The following SLC10A7 variants were observed in gnomAD, a reference collection of about 807,000 sequenced individuals.
SLC10A7 encodes the protein solute carrier family 10 member 7.
Under a neutral mutation model 43.2 loss-of-function variants are expected in SLC10A7, and 29 were observed. That is an observed-to-expected ratio of 0.67 (90% CI 0.50 to 0.92). The LOEUF is 0.92. SLC10A7 is among the 40% of genes least tolerant of loss of function. The pLI is 0.00. For missense variants in SLC10A7, 295 were observed against 403.2 expected, an observed-to-expected ratio of 0.73 and a Z score of 2.30; for synonymous variants, 152 against 144.8, an observed-to-expected ratio of 1.05 and a Z score of -0.35.
intron 10 of SLC10A7, among the ~76,000 whole-genome samples, chr4:146,264,007 C>A (rs977444482): frequency 3.3e-5 from 5 of 152,232 alleles, no homozygotes; most frequent in African/African-American, 1.2e-4. Flanking sequence ...ACACATGACA[C>A]ATTTGTCTAA....
intron 4 of SLC10A7, among the ~76,000 whole-genome samples, chr4:146,470,395 T>C (rs1479858581): frequency 1.3e-5 from 2 of 151,416 alleles, no homozygotes; most frequent in Non-Finnish European, 2.9e-5. Flanking sequence ...CATATATATG[T>C]ACATATATAA....
chr4:146,259,704 G>A (rs1046825742), intron 10 of SLC10A7, among the ~76,000 whole-genome samples: 1 of 152,206 alleles, frequency 6.6e-6, no homozygotes. Flanking sequence ...AGAGCTGGGT[G>A]TGTATATTTT....
chr4:146,434,029 C>T (rs1466905714), intron 5 of SLC10A7, among the ~76,000 whole-genome samples: 4 of 151,302 alleles, frequency 2.6e-5, no homozygotes, highest in South Asian at 2.1e-4. Context: ...AAAATAATAG[C>T]GAAAGAATAA....
chr4:146,378,794 CA>C (rs1187632696), intron 5 of SLC10A7, among the ~76,000 whole-genome samples: 2 of 152,292 alleles, frequency 1.3e-5, no homozygotes, highest in East Asian at 3.9e-4. Flanking sequence ...TGGGATTGCA[CA>C]CAGAGTCCAC....
chr4:146,497,606 C>T (rs1247287338), intron 4 of SLC10A7, among the ~76,000 whole-genome samples: 6 of 152,138 alleles, frequency 3.9e-5, no homozygotes. Flanking sequence ...TTCCTTTTCT[C>T]AGCATGCAAA....
chr4:146,485,938 A>C (rs1734876988), intron 4 of SLC10A7, among the ~76,000 whole-genome samples: 1 of 152,186 alleles, frequency 6.6e-6, no homozygotes, highest in Admixed American at 6.5e-5. Context: ...GAGAGGTGTG[A>C]ATTTTAAAAA....
intron 5 of SLC10A7, chr4:146,441,517 T>A (rs1730599928): frequency 4.1e-6 from 1 of 241,736 alleles, no homozygotes; most frequent in African/African-American, 2.3e-5. Context: ...TGGTGCCAAA[T>A]CATGTACAAA....
intron 4 of SLC10A7, among the ~76,000 whole-genome samples, chr4:146,449,568 G>A (rs1031530358): frequency 9.9e-5 from 15 of 151,968 alleles, no homozygotes; most frequent in African/African-American, 2.7e-4. Context: ...TGACAGTATC[G>A]ATAAGCTAAG....
At chr4:146,335,575 CT>C (rs1156441817) in intron 5 of SLC10A7, among the ~76,000 whole-genome samples, 1 of 152,076 alleles carries the variant, frequency 6.6e-6, no homozygotes, top group African/African-American at 2.4e-5. Context: ...ACAGAGAGAA[CT>C]GTCGCCCAAC....
intron 4 of SLC10A7, among the ~76,000 whole-genome samples, chr4:146,494,929 G>C (rs1735755510): frequency 6.6e-6 from 1 of 152,168 alleles, no homozygotes; most frequent in South Asian, 2.1e-4. Flanking sequence ...CGTTTCACAA[G>C]TTTTATAGCA....
chr4:146,293,941 A>G lies in SLC10A7; in HGVS notation c.710T>C (p.Ile237Thr), dbSNP rs373386572. ...ATTTTCCAACTTACTTATGAACAGTATGAGAACAAGGCTGAATTTATCCAG... is the reference window on the plus strand; with the variant it reads ...ATTTTCCAACTTACTTATGAACAGTGTGAGAACAAGGCTGAATTTATCCAG... ...IDLDKFSLVL[I>T]LFIIFSIQLS... The change falls in exon 8 of 12, where the codon ATA becomes ACA. Residue 237 changes from isoleucine (I) to threonine (T), a missense_variant. Physicochemically the swap from Ile to Thr is moderately conservative, Grantham distance 89. Coordinates refer to ENST00000335472, the MANE Select transcript of SLC10A7 (RefSeq NM_001029998.6). 1.2e-6 allele frequency: 2 copies of G among 1,611,800 alleles called. No homozygotes were observed. The highest frequency in any genetic ancestry group is 2.7e-5 in the African/African-American group (2 of 74,898).
intron 7 of SLC10A7, among the ~76,000 whole-genome samples, chr4:146,304,624 A>G (rs1201451700): frequency 2.0e-5 from 3 of 152,178 alleles, no homozygotes; most frequent in Non-Finnish European, 4.4e-5. Flanking sequence ...ATAGTTTGTT[A>G]TAATTTCTGC....
At chr4:146,462,627 C>T (rs1239082950) in intron 4 of SLC10A7, among the ~76,000 whole-genome samples, 1 of 152,154 alleles carries the variant, frequency 6.6e-6, no homozygotes, top group Non-Finnish European at 1.5e-5. Flanking sequence ...AAACACTAGT[C>T]AGTAAGCAGT....
intron 5 of SLC10A7, among the ~76,000 whole-genome samples, chr4:146,333,639 C>T (rs1053533861): frequency 1.2e-4 from 19 of 152,032 alleles, no homozygotes; most frequent in African/African-American, 4.3e-4. Context: ...AAGAGCAGAA[C>T]GTGAGGAGTG....
In SLC10A7 at chr4:146,521,731, G is replaced by T; in HGVS notation, c.-14C>A. ...CAGCAGCCTCATATTTGTTAGGGTG[G>T]GTGGGTTTTGTTTATTTGTTTGGCT... On this transcript the variant is annotated 5_prime_UTR_variant, in exon 1 of 12. Coordinates refer to ENST00000335472, the MANE Select transcript of SLC10A7 (RefSeq NM_001029998.6). 2 of 1,607,986 alleles carry T rather than the reference G, an allele frequency of 1.2e-6. No individual in the cohort carries two copies. Among genetic ancestry groups the T allele is most frequent in the South Asian group, 2.2e-5 (2 of 90,928 alleles).
Position 146,258,379 on chromosome 4 carries a change from G to T in SLC10A7, c.993+313C>A, listed in dbSNP as rs140475798. ...GATGGTATGCACCAGAGTGGAGCAG[G>T]TATCTATTTGGAGTATATTTACTGA... On this transcript the variant is annotated intron_variant, in intron 11 of 11. Transcript: ENST00000335472. 1.5e-3 allele frequency among the ~76,000 whole-genome samples: 224 copies of T among 152,270 alleles called. 1 individual carries two copies. Among genetic ancestry groups the T allele is most frequent in the African/African-American group, 5.2e-3 (216 of 41,540 alleles).
At position 146,384,096 on chromosome 4, in the gene SLC10A7, G is replaced by A. The variant is rs185385139; in HGVS notation, c.436-58100C>T. 2.6e-3 allele frequency among the ~76,000 whole-genome samples: 389 copies of A among 152,210 alleles called. 5 individuals are homozygous for A. The highest frequency in any genetic ancestry group is 9.0e-3 in the African/African-American group (374 of 41,532). On this transcript the variant is annotated intron_variant, in intron 5 of 11. Coordinates refer to ENST00000335472, the MANE Select transcript of SLC10A7 (RefSeq NM_001029998.6). ...CTATATTTATTGCTTTCCCACGTGA[G>A]CAGTGCCAGAATGAAATTATATTCC...
At chr4:146,518,547 T>A (rs1477454686) in intron 1 of SLC10A7, among the ~76,000 whole-genome samples, 1 of 152,144 alleles carries the variant, frequency 6.6e-6, no homozygotes, top group Non-Finnish European at 1.5e-5. Context: ...CTAGATTAAA[T>A]AGTGTCCCCC....
intron 5 of SLC10A7, among the ~76,000 whole-genome samples, chr4:146,430,313 T>G (rs1484717567): frequency 6.6e-6 from 1 of 151,774 alleles, no homozygotes; most frequent in African/African-American, 2.4e-5. Flanking sequence ...GGCATAGGAG[T>G]GACACATAAA....
Sources: gnomAD v4.1 joint callset for allele counts (sites outside exome capture counted in the v4.1 genomes callset) on GRCh38, gnomAD v4.1.1 for gene constraint, MANE v1.5 for transcripts, NCBI Gene and HGNC (gene_info 2026-07-23, HGNC 2026-07-21) for gene names.